The following RSRP1 variants were observed in gnomAD, a reference collection of about 807,000 sequenced individuals.
RSRP1 encodes arginine and serine rich protein 1.
Under a neutral mutation model 33.0 loss-of-function variants are expected in RSRP1, and 37 were observed. The ratio of observed to expected loss-of-function variants is 1.12; its 90% CI spans 0.86 to 1.48. The LOEUF (loss-of-function observed/expected upper bound fraction) is 1.48. Among genes scored for constraint, RSRP1 ranks in the 40% most tolerant of loss-of-function variants. The pLI is 0.00. For missense variants in RSRP1, 402 were observed against 385.3 expected, an observed-to-expected ratio of 1.04 and a Z score of -0.36; for synonymous variants, 167 against 158.7, an observed-to-expected ratio of 1.05 and a Z score of -0.40.
At chr1:25,283,563 C>T (rs1241953411) in intron 1 of RSRP1, among the ~76,000 whole-genome samples, 2 of 131,536 alleles carry the variant, frequency 1.5e-5, no homozygotes, top group South Asian at 4.6e-4. Flanking sequence ...CTCTACCCAC[C>T]GGGGCAAGTT....
At position 25,267,773 on chromosome 1, in the gene RSRP1, C is replaced by A. The variant is rs34265899; in HGVS notation, c.-66-20744G>T. 1.5e-5 allele frequency: 2 copies of A among 130,398 alleles called. 1 individual carries two copies. The highest frequency in any genetic ancestry group is 3.6e-5 in the Non-Finnish European group (2 of 54,874). The allele number at this position is 130,398 out of a possible 1,614,324, so 8.1% of individuals were successfully genotyped here. A position where few individuals can be genotyped will look rare whatever the true frequency, so the allele number is the denominator to read the frequency against. On this transcript the variant is annotated intron_variant, in intron 1 of 1. Coordinates refer to the RSRP1 transcript ENST00000561867. ...AGACGGGTACGAAGGCCAACGGACG[C>A]CTTCCTTTAGAACGCTCAGCACACA...
intron 1 of RSRP1, among the ~76,000 whole-genome samples, chr1:25,310,990 A>C (rs1260191308): frequency 1.6e-5 from 2 of 127,956 alleles, no homozygotes; most frequent in African/African-American, 5.4e-5. Flanking sequence ...AAAAAAAAAG[A>C]AAGAAAAAGA....
chr1:25,257,957 C>G (rs572101155), intron 1 of RSRP1, among the ~76,000 whole-genome samples: 15 of 152,178 alleles, frequency 9.9e-5, no homozygotes, highest in African/African-American at 3.4e-4. Flanking sequence ...TGAGTGTCAA[C>G]ATCTACTTGT....
Position 25,290,709 on chromosome 1 carries a change from A to G in RSRP1, c.-66-43680T>C, listed in dbSNP as rs201114470. 1.8e-5 allele frequency: 25 copies of G among 1,377,450 alleles called. 7 individuals carry two copies. In the East Asian group the frequency reaches 2.2e-4, roughly 12 times the overall value. 85.3% of individuals were successfully genotyped at this position (1,377,450 alleles called of 1,614,324 possible). On this transcript the variant is annotated intron_variant, in intron 1 of 1. Transcript: ENST00000561867. ...GTGGATGCTGTCTTGGGGAAGGTCAACTTGGCGCAGTTGGTGGTGATGGTG... is the reference window on the plus strand; with the variant it reads ...GTGGATGCTGTCTTGGGGAAGGTCAGCTTGGCGCAGTTGGTGGTGATGGTG...
In RSRP1 at chr1:25,321,566, A is replaced by G. The variant is rs1367596178; in HGVS notation, c.-67+16412T>C. Reference sequence around the variant, plus strand: ...GCGCCTATAATCTCAGCTACTTGGGAGGCTGAGGCAGGATAATCGCTTGAA... The same window carrying G: ...GCGCCTATAATCTCAGCTACTTGGGGGGCTGAGGCAGGATAATCGCTTGAA... On this transcript the variant is annotated intron_variant, in intron 1 of 1. Coordinates refer to the RSRP1 transcript ENST00000561867. Among the ~76,000 whole-genome samples, 25 of 123,494 alleles carry G rather than the reference A, an allele frequency of 2.0e-4. 4 individuals are homozygous for G. Among genetic ancestry groups the G allele is most frequent in the African/African-American group, 6.3e-4 (23 of 36,800 alleles). 81.0% of individuals were successfully genotyped at this position (123,494 alleles called of 152,430 possible). A position where few individuals can be genotyped will look rare whatever the true frequency, so the allele number is the denominator to read the frequency against.
chr1:25,266,392 T>G (rs550610806), intron 1 of RSRP1, among the ~76,000 whole-genome samples: 6 of 128,922 alleles, frequency 4.7e-5, no homozygotes, highest in Admixed American at 4.5e-4. Context: ...AAACTAATGT[T>G]AAGTCACTAA....
intron 1 of RSRP1, among the ~76,000 whole-genome samples, chr1:25,278,113 C>T (rs1641173280): frequency 7.7e-6 from 1 of 129,838 alleles, no homozygotes; most frequent in Admixed American, 7.5e-5. Context: ...GTCTGGATGA[C>T]CTGTGATGAG....
intron 1 of RSRP1, among the ~76,000 whole-genome samples, chr1:25,287,880 G>C (rs1642178700): frequency 7.9e-6 from 1 of 126,238 alleles, no homozygotes; most frequent in South Asian, 2.5e-4. Flanking sequence ...CTGCTACCAT[G>C]CCCTGCTAAT....
chr1:25,255,592 G>A (rs1388117398), intron 1 of RSRP1, among the ~76,000 whole-genome samples: 1 of 151,908 alleles, frequency 6.6e-6, no homozygotes, highest in African/African-American at 2.4e-5. Context: ...GGTTGTTCTG[G>A]GATGATTCAA....
rs982826085 is a variant in RSRP1, at chr1:25,273,455, A to G, written c.-66-26426T>C. 3.3e-4 allele frequency among the ~76,000 whole-genome samples: 32 copies of G among 96,670 alleles called. 3 individuals are homozygous for G. The highest frequency in any genetic ancestry group is 1.1e-3 in the African/African-American group (32 of 29,922). The allele number at this position is 96,670 out of a possible 152,430, so 63.4% of individuals were successfully genotyped here. A position where few individuals can be genotyped will look rare whatever the true frequency, so the allele number is the denominator to read the frequency against. ...CACTGTGCCCAGCTCTCTTGCTCAT[A>G]TCTATACTAGTTTTCTTTTGGAAGC... is the stretch of plus-strand genomic sequence containing the variant. On this transcript the variant is annotated intron_variant, in intron 1 of 1. Coordinates refer to the RSRP1 transcript ENST00000561867.
intron 3 of RSRP1, chr1:25,243,900 A>C: frequency 8.3e-7 from 1 of 1,205,876 alleles, no homozygotes; most frequent in Non-Finnish European, 1.0e-6. Context: ...AGGTTGAATC[A>C]AGTTCACTTT....
chr1:25,292,280 C>T (rs28617751), intron 1 of RSRP1, among the ~76,000 whole-genome samples: 2,803 of 130,748 alleles, frequency 0.021, 430 homozygotes, highest in African/African-American at 0.068. Flanking sequence ...AGAGGAGAGC[C>T]ATGATCTGAC....
In RSRP1 at chr1:25,242,497, C is replaced by T; in HGVS notation, c.*92G>A. The T allele has an allele frequency of 1.3e-6, 1 of 753,796 alleles. No homozygotes were observed. Among genetic ancestry groups the T allele is most frequent in the Non-Finnish European group, 2.2e-6 (1 of 446,092 alleles). The allele number at this position is 753,796 out of a possible 1,614,324, so 46.7% of individuals were successfully genotyped here. ...TTGGTTTTTAAATGCACAAGTACCC[C>T]TGAATGGCTCAAAGGGATGGGATAA... On this transcript the variant is annotated 3_prime_UTR_variant, in exon 5 of 5. Transcript: ENST00000243189.
At chr1:25,261,256 T>A (rs533439068) in intron 1 of RSRP1, among the ~76,000 whole-genome samples, 3 of 152,198 alleles carry the variant, frequency 2.0e-5, no homozygotes, top group Non-Finnish European at 4.4e-5. Context: ...GGAGATCAAT[T>A]CAGTAAATAG....
In RSRP1 at chr1:25,308,115, T is replaced by A. The variant is rs577712931; in HGVS notation, c.-67+29863A>T. 4.7e-4 allele frequency among the ~76,000 whole-genome samples: 58 copies of A among 123,732 alleles called. 12 individuals are homozygous for A. Among genetic ancestry groups the A allele is most frequent in the Non-Finnish European group, 8.1e-4 (43 of 53,088 alleles). 81.2% of individuals were successfully genotyped at this position (123,732 alleles called of 152,430 possible). A position where few individuals can be genotyped will look rare whatever the true frequency, so the allele number is the denominator to read the frequency against. On this transcript the variant is annotated intron_variant, in intron 1 of 1. Transcript: ENST00000561867. The stretch of plus-strand genomic sequence containing the variant: ...ACAGTGCAGGGACCCAGGCTCAGTG[T>A]TGCCAGATCCAATGACTTCTCAAGA...
rs1172481578 is a variant in RSRP1, at chr1:25,275,491, G to T, written c.-66-28462C>A. Reference sequence around the variant, plus strand: ...GCATGGCTTGAGACACCAGACCAGCGTGGAGGCTGTAGTGTAGTATTGACC... The same window carrying T: ...GCATGGCTTGAGACACCAGACCAGCTTGGAGGCTGTAGTGTAGTATTGACC... On this transcript the variant is annotated intron_variant, in intron 1 of 1. Coordinates refer to the RSRP1 transcript ENST00000561867. Among the ~76,000 whole-genome samples the T allele has an allele frequency of 3.8e-5, 5 of 131,238 alleles. 2 individuals are homozygous for T. Among genetic ancestry groups the T allele is most frequent in the Non-Finnish European group, 1.8e-5 (1 of 55,534 alleles). The allele number at this position is 131,238 out of a possible 152,430, so 86.1% of individuals were successfully genotyped here.
Position 25,300,524 on chromosome 1 carries a change from A to C in RSRP1, c.-67+37454T>G, listed in dbSNP as rs1188506742. Among the ~76,000 whole-genome samples the C allele has an allele frequency of 2.4e-5, 3 of 126,808 alleles. 1 individual carries two copies. Among genetic ancestry groups the C allele is most frequent in the African/African-American group, 8.2e-5 (3 of 36,634 alleles). The allele number at this position is 126,808 out of a possible 152,430, so 83.2% of individuals were successfully genotyped here. ...AAGACTCTGTCTCAAAAAAAAAAAA[A>C]AAAGGCCAGGCGCAGTGGCTCATGC... On this transcript the variant is annotated intron_variant, in intron 1 of 1. Transcript: ENST00000561867.
intron 1 of RSRP1, among the ~76,000 whole-genome samples, chr1:25,266,296 C>A (rs28621407): frequency 0.08 from 10,326 of 129,688 alleles, 1,146 homozygotes; most frequent in African/African-American, 0.26. Context: ...GGGCAAAAAA[C>A]GCAAAGAGAA....
At chr1:25,284,691 G>A in intron 1 of RSRP1, 1 of 1,388,992 alleles carries the variant, frequency 7.2e-7, no homozygotes, top group Non-Finnish European at 1.0e-6. Context: ...TTGGTGTGCA[G>A]TGGGCAATCC....
Sources: gnomAD v4.1 joint callset for allele counts (sites outside exome capture counted in the v4.1 genomes callset) on GRCh38, gnomAD v4.1.1 for gene constraint, MANE v1.5 for transcripts, NCBI Gene and HGNC (gene_info 2026-07-23, HGNC 2026-07-21) for gene names.